RIC3: variants seen among roughly 807,000 people sequenced by gnomAD.
RIC3 encodes protein RIC-3.
RIC3 carries 28 observed loss-of-function variants against 27.3 expected under a neutral mutation model. The ratio of observed to expected loss-of-function variants is 1.02; its 90% CI spans 0.76 to 1.41. The LOEUF (loss-of-function observed/expected upper bound fraction) is 1.41. Among genes scored for constraint, RIC3 ranks in the 40% most tolerant of loss-of-function variants. RIC3 has a pLI of 0.00. For missense variants in RIC3, 501 were observed against 444.7 expected, an observed-to-expected ratio of 1.13 and a Z score of -1.14; for synonymous variants, 184 against 160.4, an observed-to-expected ratio of 1.15 and a Z score of -1.11.
intron 1 of RIC3, among the ~76,000 whole-genome samples, chr11:8,140,859 A>G (rs925212177): frequency 3.9e-5 from 6 of 152,074 alleles, no homozygotes; most frequent in African/African-American, 1.4e-4. Flanking sequence ...AAGCCAGAAG[A>G]GAGTGGGGGC....
intron 5 of RIC3, among the ~76,000 whole-genome samples, chr11:8,115,328 G>A (rs1468258752): frequency 1.3e-5 from 2 of 151,336 alleles, no homozygotes; most frequent in Admixed American, 1.3e-4. Flanking sequence ...AAAAAAAAAG[G>A]TCAACCAAGA....
intron 4 of RIC3, among the ~76,000 whole-genome samples, chr11:8,133,769 T>A (rs1438641170): frequency 3.3e-5 from 5 of 152,142 alleles, no homozygotes; most frequent in African/African-American, 1.2e-4. Flanking sequence ...GGACAGACAG[T>A]AGTTAGAGGT....
rs1945124040 is a variant in RIC3, at chr11:8,110,575, G to C, written c.*123C>G. 1.2e-6 allele frequency: 1 copy of C among 853,292 alleles called. No homozygotes were observed. The highest frequency in any genetic ancestry group is 2.4e-5 in the East Asian group (1 of 41,154). The allele number at this position is 853,292 out of a possible 1,614,324, so 52.9% of individuals were successfully genotyped here. On this transcript the variant is annotated 3_prime_UTR_variant, in exon 6 of 6. Transcript: ENST00000309737. ...AAGGATACATGATATCCATGATAGT[G>C]GCCTGATAGCTATGACACTTGAACA...
At chr11:8,156,006 T>C (rs1167624910) in intron 1 of RIC3, among the ~76,000 whole-genome samples, 1 of 152,218 alleles carries the variant, frequency 6.6e-6, no homozygotes, top group African/African-American at 2.4e-5. Flanking sequence ...GCTTTCACAT[T>C]TTCTGCTAAT....
chr11:8,143,032 A>G (rs2133966979), intron 1 of RIC3, among the ~76,000 whole-genome samples: 1 of 108,312 alleles, frequency 9.2e-6, no homozygotes, highest in South Asian at 3.1e-4. Flanking sequence ...GTATTTCAAA[A>G]TAATAAGATC....
chr11:8,096,951 C>T, the RIC3 span: 1 of 994,702 alleles, frequency 1.0e-6, no homozygotes. Flanking sequence ...CTCCTAACCT[C>T]TTCAGCTAGG....
At chr11:8,162,648 T>C (rs1951286441) in intron 1 of RIC3, among the ~76,000 whole-genome samples, 1 of 138,550 alleles carries the variant, frequency 7.2e-6, no homozygotes, top group South Asian at 2.5e-4. Flanking sequence ...TTTTTTTTTT[T>C]TTTTTTTCTT....
intron 1 of RIC3, among the ~76,000 whole-genome samples, chr11:8,166,042 G>C (rs79444848): frequency 0.019 from 2,940 of 152,220 alleles, 50 homozygotes; most frequent in South Asian, 0.047. Flanking sequence ...TTCCACCACA[G>C]CCTTTCAAAA....
At chr11:8,100,452 C>T in the RIC3 span, 3 of 1,448,208 alleles carry the variant, frequency 2.1e-6, no homozygotes, top group Non-Finnish European at 2.9e-6. Flanking sequence ...CCACCTTCTC[C>T]AGTAGGTAAA....
Position 8,110,342 on chromosome 11 carries a change from T to C in RIC3, c.*356A>G, listed in dbSNP as rs1945100366. On this transcript the variant is annotated 3_prime_UTR_variant, in exon 6 of 6. Transcript: ENST00000309737. ...CTCATCATCTGTAAGCTGATGTTCG[T>C]TCACAGGTGAACTATCTGTTACACC... 5.3e-6 allele frequency: 2 copies of C among 375,528 alleles called. No homozygotes were observed. Among genetic ancestry groups the C allele is most frequent in the African/African-American group, 2.1e-5 (1 of 48,040 alleles). 23.3% of individuals were successfully genotyped at this position (375,528 alleles called of 1,614,324 possible).
chr11:8,145,305 C>T (rs553719307), intron 1 of RIC3, among the ~76,000 whole-genome samples: 13 of 150,720 alleles, frequency 8.6e-5, no homozygotes, highest in Non-Finnish European at 1.5e-4. Flanking sequence ...CATTCTAGCT[C>T]AATCTCTCTC....
At chr11:8,131,794 A>T (rs1229179718) in intron 4 of RIC3, among the ~76,000 whole-genome samples, 1 of 149,252 alleles carries the variant, frequency 6.7e-6, no homozygotes, top group Non-Finnish European at 1.5e-5. Context: ...CCAGCTACTC[A>T]GGAGGCTGAG....
intron 5 of RIC3, 57 bp downstream of exon 5, chr11:8,126,602 T>A (rs1272718511): frequency 1.3e-6 from 2 of 1,592,780 alleles, no homozygotes; most frequent in Non-Finnish European, 1.7e-6. Flanking sequence ...TTTAAAAATC[T>A]GTAACATCTC....
Position 8,169,012 on chromosome 11 carries a change from TGCA to T in RIC3, c.-26_-24del. The T allele has an allele frequency of 6.7e-7, 1 of 1,499,970 alleles. No individual in the cohort carries two copies. Among genetic ancestry groups the T allele is most frequent in the South Asian group, 1.2e-5 (1 of 80,162 alleles). 92.9% of individuals were successfully genotyped at this position (1,499,970 alleles called of 1,614,324 possible). A position where few individuals can be genotyped will look rare whatever the true frequency, so the allele number is the denominator to read the frequency against. On this transcript the variant is annotated 5_prime_UTR_variant, in exon 1 of 6. Coordinates refer to ENST00000309737, the MANE Select transcript of RIC3 (RefSeq NM_001206671.4). ...CATGACTGCTCACGGTGGTCGCAGG[TGCA>T]GACGCCAGCCGGAACCGGAACCGGA...
intron 1 of RIC3, among the ~76,000 whole-genome samples, chr11:8,162,629 C>CTTCTT (rs1951277131): frequency 2.4e-5 from 2 of 83,706 alleles, no homozygotes; most frequent in African/African-American, 9.0e-5. Flanking sequence ...CATGCTTCTT[C>CTTCTT]TTTTTTTTTT....
intron 1 of RIC3, among the ~76,000 whole-genome samples, chr11:8,161,761 G>A (rs750827274): frequency 3.9e-5 from 6 of 152,178 alleles, no homozygotes; most frequent in Non-Finnish European, 7.3e-5. Context: ...ATCCCAGCAC[G>A]TTAGGAGGCT....
intron 5 of RIC3, among the ~76,000 whole-genome samples, chr11:8,124,439 A>G (rs543644086): frequency 3.9e-5 from 6 of 152,354 alleles, no homozygotes; most frequent in African/African-American, 1.4e-4. Context: ...AGAAGATTCA[A>G]TATCGTTACA....
At position 8,149,847 on chromosome 11, in the gene RIC3, A is replaced by G. The variant is rs140827016; in HGVS notation, c.125-9654T>C. On this transcript the variant is annotated intron_variant, in intron 1 of 5. Coordinates refer to ENST00000309737, the MANE Select transcript of RIC3 (RefSeq NM_001206671.4). Reference sequence around the variant, plus strand: ...AACAGAAACTAGCCATTTCAAAAAAATCCACCACTGCTATCAACCAACCAC... The same window carrying G: ...AACAGAAACTAGCCATTTCAAAAAAGTCCACCACTGCTATCAACCAACCAC... Among the ~76,000 whole-genome samples, 792 of 152,302 alleles carry G rather than the reference A, an allele frequency of 5.2e-3. 3 individuals carry two copies. Among genetic ancestry groups the G allele is most frequent in the Middle Eastern group, 0.048 (14 of 294 alleles).
At chr11:8,096,631 G>T in the RIC3 span, 2 of 1,204,214 alleles carry the variant, frequency 1.7e-6, no homozygotes, top group Non-Finnish European at 2.5e-6. Context: ...GTGTATTTCA[G>T]GGGCAGCGTA....
Sources: gnomAD v4.1 joint callset for allele counts (sites outside exome capture counted in the v4.1 genomes callset) on GRCh38, gnomAD v4.1.1 for gene constraint, MANE v1.5 for transcripts, NCBI Gene and HGNC (gene_info 2026-07-23, HGNC 2026-07-21) for gene names.